The following LRFN5 variants were observed in gnomAD, a reference collection of about 807,000 sequenced individuals.
LRFN5 encodes leucine rich repeat and fibronectin type III domain containing 5.
LRFN5 carries 24 observed loss-of-function variants against 45.6 expected under a neutral mutation model. That is an observed-to-expected ratio of 0.53 (90% CI 0.38 to 0.74). The LOEUF (loss-of-function observed/expected upper bound fraction) is 0.74, where lower values mean the gene tolerates loss of function less well. LRFN5 is among the 30% of genes least tolerant of loss of function. The pLI, the probability that LRFN5 is intolerant of heterozygous loss-of-function variation, is 0.00. For synonymous variants in LRFN5, 340 were observed against 313.8 expected (o/e 1.08, Z -0.88); for missense variants, 776 against 861.5 (o/e 0.90, Z 1.24).
At chr14:41,712,835 G>A (rs1883342046) in intron 1 of LRFN5, among the ~76,000 whole-genome samples, 1 of 152,032 alleles carries the variant, frequency 6.6e-6, no homozygotes, top group Admixed American at 6.6e-5. Flanking sequence ...GAAAAGATGT[G>A]TGGTGATGAA....
At chr14:41,798,215 T>C (rs891420206) in intron 2 of LRFN5, among the ~76,000 whole-genome samples, 1 of 151,954 alleles carries the variant, frequency 6.6e-6, no homozygotes, top group African/African-American at 2.4e-5. Context: ...CATCTTCAGA[T>C]ACTTTATGAG....
At chr14:41,815,945 T>G (rs1460324994) in intron 2 of LRFN5, among the ~76,000 whole-genome samples, 1 of 152,116 alleles carries the variant, frequency 6.6e-6, no homozygotes, top group Admixed American at 6.5e-5. Context: ...GTGTTTTCTA[T>G]TTGTTGCCCT....
chr14:41,793,383 A>T lies in LRFN5; in HGVS notation c.-21+26354A>T, dbSNP rs373058019. On this transcript the variant is annotated intron_variant, in intron 2 of 5. Transcript: ENST00000298119. ...ACCAAAGTCCTATGTATAATAATGC[A>T]TGTGTATTGTGTTTTTGAAATAGTT... Among the ~76,000 whole-genome samples the T allele has an allele frequency of 8.7e-4, 133 of 152,202 alleles. 1 individual carries two copies. In the South Asian group the frequency reaches 0.027, roughly 31 times the overall value.
chr14:41,638,287 G>A (rs1057085859), intron 1 of LRFN5, among the ~76,000 whole-genome samples: 2 of 151,804 alleles, frequency 1.3e-5, no homozygotes, highest in Admixed American at 6.6e-5. Flanking sequence ...AATGATAGAG[G>A]GTTAGAAACC....
intron 1 of LRFN5, among the ~76,000 whole-genome samples, chr14:41,694,045 A>G (rs1054883137): frequency 2.0e-5 from 3 of 151,966 alleles, no homozygotes; most frequent in Non-Finnish European, 4.4e-5. Context: ...TTTGCTTATT[A>G]ATACCATGAA....
intron 2 of LRFN5, among the ~76,000 whole-genome samples, chr14:41,845,357 T>C (rs1471529478): frequency 3.9e-5 from 6 of 152,138 alleles, no homozygotes; most frequent in Non-Finnish European, 7.4e-5. Context: ...ATTTATTGTG[T>C]TATTCATATA....
chr14:41,753,558 C>G (rs1300241743), intron 1 of LRFN5, among the ~76,000 whole-genome samples: 2 of 151,990 alleles, frequency 1.3e-5, no homozygotes, highest in Non-Finnish European at 2.9e-5. Context: ...CATGATTTGG[C>G]TCTCTGTTTG....
chr14:41,764,026 CA>C (rs928227989), intron 1 of LRFN5, among the ~76,000 whole-genome samples: 39 of 150,890 alleles, frequency 2.6e-4, no homozygotes, highest in Non-Finnish European at 4.1e-4. Flanking sequence ...ATAATATCAA[CA>C]AAAAAAAATC....
In LRFN5 at chr14:41,775,093, C is replaced by CTTTTTTTTTTTTTTTT. The variant is rs59438733; in HGVS notation, c.-21+8079_-21+8080insTTTTTTTTTTTTTTTT. ...AGATTTGATGCTACTTTTTCTTTTTCTTTTTTTTTTTTTTTGAGACGGAGT... is the reference window on the plus strand; with the variant it reads ...AGATTTGATGCTACTTTTTCTTTTTCTTTTTTTTTTTTTTTTTTTTTTTTTTTTTTTGAGACGGAGT... On this transcript the variant is annotated intron_variant, in intron 2 of 5. Transcript: ENST00000298119. Among the ~76,000 whole-genome samples the CTTTTTTTTTTTTTTTT allele has an allele frequency of 8.7e-4, 98 of 112,482 alleles. 4 individuals carry two copies. The highest frequency in any genetic ancestry group is 1.9e-3 in the African/African-American group (53 of 28,466). The allele number at this position is 112,482 out of a possible 152,430, so 73.8% of individuals were successfully genotyped here.
At chr14:41,611,901 C>T (rs1408384178) in intron 1 of LRFN5, among the ~76,000 whole-genome samples, 1 of 152,146 alleles carries the variant, frequency 6.6e-6, no homozygotes. Context: ...CCACCCTATT[C>T]CCTCTTCAAT....
chr14:41,767,446 T>C (rs1480557330), intron 2 of LRFN5, among the ~76,000 whole-genome samples: 1 of 151,942 alleles, frequency 6.6e-6, no homozygotes, highest in Non-Finnish European at 1.5e-5. Context: ...TTTCTGAATT[T>C]AAAAAAAATA....
chr14:41,679,830 T>C (rs1390680371), intron 1 of LRFN5, among the ~76,000 whole-genome samples: 1 of 152,122 alleles, frequency 6.6e-6, no homozygotes, highest in East Asian at 1.9e-4. Context: ...ATTCCAGGCC[T>C]TGGGTCTTGG....
intron 1 of LRFN5, chr14:41,701,034 T>C (rs987738375): frequency 7.9e-5 from 12 of 152,160 alleles, no homozygotes; most frequent in African/African-American, 2.9e-4. Context: ...AAATGTTAGC[T>C]CTGTAAGGAC....
intron 2 of LRFN5, among the ~76,000 whole-genome samples, chr14:41,780,496 C>A (rs1346542116): frequency 6.6e-6 from 1 of 151,980 alleles, no homozygotes; most frequent in Non-Finnish European, 1.5e-5. Flanking sequence ...GATATAGCTA[C>A]TTCAGCTTTC....
chr14:41,743,999 G>A (rs1248517065), intron 1 of LRFN5, among the ~76,000 whole-genome samples: 2 of 151,980 alleles, frequency 1.3e-5, no homozygotes, highest in African/African-American at 4.8e-5. Context: ...TGTAATTGGA[G>A]GATGTTAAAT....
At chr14:41,844,399 C>G (rs955658436) in intron 2 of LRFN5, among the ~76,000 whole-genome samples, 1 of 148,710 alleles carries the variant, frequency 6.7e-6, no homozygotes, top group African/African-American at 2.5e-5. Context: ...ATCTTGCCAC[C>G]ACACTCCAGC....
chr14:41,861,087 T>C (rs943698620), intron 2 of LRFN5, among the ~76,000 whole-genome samples: 1 of 152,174 alleles, frequency 6.6e-6, no homozygotes, highest in African/African-American at 2.4e-5. Context: ...TTTATACATT[T>C]TTAATTTAAT....
chr14:41,705,852 C>T (rs1187271356), intron 1 of LRFN5, among the ~76,000 whole-genome samples: 1 of 143,910 alleles, frequency 6.9e-6, no homozygotes, highest in African/African-American at 2.5e-5. Flanking sequence ...CACACCCACA[C>T]CCCTCACTTA....
intron 1 of LRFN5, among the ~76,000 whole-genome samples, chr14:41,682,514 A>G (rs1289768848): frequency 6.6e-6 from 1 of 152,138 alleles, no homozygotes; most frequent in African/African-American, 2.4e-5. Flanking sequence ...GAAAGTAACT[A>G]ATACAAAATA....
Sources: allele counts gnomAD v4.1 joint callset (sites outside exome capture counted in the v4.1 genomes callset), GRCh38; gene constraint gnomAD v4.1.1; transcripts MANE v1.5; gene names NCBI Gene and HGNC (gene_info 2026-07-23, HGNC 2026-07-21).